The following HDAC9 variants were observed in gnomAD, a reference collection of about 807,000 sequenced individuals.
The protein encoded by HDAC9 is histone deacetylase 9.
HDAC9 carries 41 observed loss-of-function variants against 139.4 expected under a neutral mutation model. The observed-to-expected ratio is 0.29, with a 90% CI of 0.23 to 0.38. HDAC9 has a LOEUF of 0.38. Ranked by LOEUF, HDAC9 falls within the 10% of genes least tolerant of loss-of-function variation. The pLI, the probability that HDAC9 is intolerant of heterozygous loss-of-function variation, is 1.00. For missense variants in HDAC9, 1,147 were observed against 1,297.0 expected (o/e 0.88, Z 1.78); for synonymous variants, 517 against 476.2 (o/e 1.09, Z -1.12).
intron 1 of HDAC9, among the ~76,000 whole-genome samples, chr7:18,433,594 A>G (rs935457744): frequency 6.6e-6 from 1 of 152,164 alleles, no homozygotes; most frequent in Non-Finnish European, 1.5e-5. Flanking sequence ...TCAATGTGCA[A>G]AAATCAGTAG....
At chr7:18,247,769 C>T (rs1320993560) in intron 2 of HDAC9, among the ~76,000 whole-genome samples, 1 of 151,992 alleles carries the variant, frequency 6.6e-6, no homozygotes, top group Non-Finnish European at 1.5e-5. Context: ...TCTTTGTCAT[C>T]ATTTAAAAAG....
intron 2 of HDAC9, among the ~76,000 whole-genome samples, chr7:18,504,471 AT>A (rs1799211003): frequency 1.3e-5 from 2 of 152,024 alleles, no homozygotes; most frequent in Non-Finnish European, 2.9e-5. Context: ...TGCCTGACTA[AT>A]TTTTGTAGTT....
At chr7:18,649,173 G>A (rs757865070) in intron 11 of HDAC9, among the ~76,000 whole-genome samples, 2 of 152,064 alleles carry the variant, frequency 1.3e-5, no homozygotes, top group African/African-American at 2.4e-5. Context: ...GTAGTTTCTC[G>A]GAAACTTGTG....
rs374565754 is a variant in HDAC9 at position 18,442,268 on chromosome 7, G to C, written c.-41-53994G>C. 5.3e-4 allele frequency among the ~76,000 whole-genome samples: 81 copies of C among 152,312 alleles called. 1 individual carries two copies. The highest frequency in any genetic ancestry group is 1.8e-3 in the African/African-American group (76 of 41,566). Reference sequence around the variant, plus strand: ...GAGCATTTTCTACCCCTATGTATAAGAGTGGTTGGGAAGACTTCTAATTTT... The same window carrying C: ...GAGCATTTTCTACCCCTATGTATAACAGTGGTTGGGAAGACTTCTAATTTT... On this transcript the variant is annotated intron_variant, in intron 1 of 3. Transcript: ENST00000413509.
chr7:18,441,035 T>G (rs894863924), intron 1 of HDAC9, among the ~76,000 whole-genome samples: 5 of 152,240 alleles, frequency 3.3e-5, no homozygotes, highest in African/African-American at 1.2e-4. Flanking sequence ...CTTGGAGAAT[T>G]TGGCAATTCA....
At chr7:18,593,409 C>G (rs535667170) in intron 5 of HDAC9, among the ~76,000 whole-genome samples, 1 of 152,176 alleles carries the variant, frequency 6.6e-6, no homozygotes, top group South Asian at 2.1e-4. Flanking sequence ...GAAACTGCCC[C>G]AGAAGTCAGG....
intron 6 of HDAC9, among the ~76,000 whole-genome samples, chr7:18,628,831 A>G (rs1278424473): frequency 6.6e-6 from 1 of 152,158 alleles, no homozygotes; most frequent in Non-Finnish European, 1.5e-5. Context: ...TTTAGATTAG[A>G]AACTACTGAC....
intron 1 of HDAC9, among the ~76,000 whole-genome samples, chr7:18,134,509 T>A (rs1343071668): frequency 6.6e-6 from 1 of 152,162 alleles, no homozygotes; most frequent in Non-Finnish European, 1.5e-5. Flanking sequence ...TGACTCTGTT[T>A]GAAGCAGTAG....
At chr7:18,713,524 T>A (rs73315440) in intron 12 of HDAC9, among the ~76,000 whole-genome samples, 11,306 of 152,212 alleles carry the variant, frequency 0.074, 1,225 homozygotes, top group African/African-American at 0.24. Context: ...TATACCACTC[T>A]TATTTATCAA....
chr7:18,608,887 A>G (rs1836285956), intron 6 of HDAC9, among the ~76,000 whole-genome samples: 1 of 152,186 alleles, frequency 6.6e-6, no homozygotes, highest in Non-Finnish European at 1.5e-5. Flanking sequence ...GAACAGTTGA[A>G]CCACCGTACT....
At chr7:18,207,583 C>T in intron 2 of HDAC9, among the ~76,000 whole-genome samples, 1 of 98,236 alleles carries the variant, frequency 1.0e-5, no homozygotes, top group South Asian at 3.5e-4. Flanking sequence ...GCAGCCAAAA[C>T]AAAAAGAGTG....
intron 22 of HDAC9, among the ~76,000 whole-genome samples, chr7:18,886,119 A>G (rs1016123334): frequency 2.0e-5 from 3 of 152,252 alleles, no homozygotes; most frequent in African/African-American, 7.2e-5. Context: ...TTTAAATTAC[A>G]ATCAAAAGAT....
chr7:18,986,993 T>C (rs1443123043), intron 25 of HDAC9, among the ~76,000 whole-genome samples: 1 of 152,336 alleles, frequency 6.6e-6, no homozygotes, highest in South Asian at 2.1e-4. Flanking sequence ...TTTCTAGATA[T>C]ACAATCATGT....
intron 1 of HDAC9, among the ~76,000 whole-genome samples, chr7:18,315,816 C>G (rs767049776): frequency 4.6e-5 from 7 of 152,186 alleles, no homozygotes; most frequent in Non-Finnish European, 8.8e-5. Context: ...ATGATGACTT[C>G]TGTCACAGAT....
chr7:18,177,742 G>A (rs1451438735), intron 2 of HDAC9, among the ~76,000 whole-genome samples: 1 of 152,130 alleles, frequency 6.6e-6, no homozygotes, highest in Non-Finnish European at 1.5e-5. Context: ...ATTTTGTGGG[G>A]TGTATATAGA....
chr7:18,202,690 T>C (rs1012579659), intron 2 of HDAC9, among the ~76,000 whole-genome samples: 1 of 152,212 alleles, frequency 6.6e-6, no homozygotes, highest in Non-Finnish European at 1.5e-5. Context: ...ATGAATTCTT[T>C]TTGCGTGAGC....
At chr7:18,168,132 G>A (rs1247084226) in intron 2 of HDAC9, among the ~76,000 whole-genome samples, 2 of 152,140 alleles carry the variant, frequency 1.3e-5, no homozygotes, top group East Asian at 1.9e-4. Flanking sequence ...GAAAATGGGA[G>A]TAAAATGTAT....
intron 2 of HDAC9, among the ~76,000 whole-genome samples, chr7:18,549,945 C>CTT (rs925481214): frequency 6.9e-6 from 1 of 144,064 alleles, no homozygotes; most frequent in African/African-American, 2.5e-5. Flanking sequence ...CTCCCTAGTT[C>CTT]TTTTTTTTTT....
At chr7:18,100,835 A>G (rs1014015228) in intron 1 of HDAC9, among the ~76,000 whole-genome samples, 14 of 152,088 alleles carry the variant, frequency 9.2e-5, no homozygotes, top group African/African-American at 3.1e-4. Flanking sequence ...AGGGTGCTGG[A>G]TATTTTTATA....
Sources: allele counts gnomAD v4.1 joint callset (sites outside exome capture counted in the v4.1 genomes callset), GRCh38; gene constraint gnomAD v4.1.1; transcripts MANE v1.5; gene names NCBI Gene and HGNC (gene_info 2026-07-23, HGNC 2026-07-21).